The following CHRM3 variants were observed in gnomAD, a reference collection of about 807,000 sequenced individuals.
CHRM3 encodes the protein cholinergic receptor muscarinic 3, also known as muscarinic acetylcholine receptor M3.
Under a neutral mutation model 41.8 loss-of-function variants are expected in CHRM3, and 11 were observed. The observed-to-expected ratio is 0.26, with a 90% CI of 0.17 to 0.44. The LOEUF is 0.44. Among genes scored for constraint, CHRM3 ranks in the 20% least tolerant of loss-of-function variants. The probability of loss-of-function intolerance (pLI) is 1.00; values close to 1 mark genes in which losing one functional copy is unlikely to be tolerated. For synonymous variants in CHRM3, 297 were observed against 301.4 expected (o/e 0.99, Z 0.15); for missense variants, 571 against 745.4 (o/e 0.77, Z 2.72).
chr1:239,719,234 G>C (rs567339186), intron 5 of CHRM3: 1 of 152,128 alleles, frequency 6.6e-6, no homozygotes, highest in African/African-American at 2.4e-5. Flanking sequence ...TGAGTGTATC[G>C]TTAGGGTTTT....
At chr1:239,535,838 G>C (rs1658144148) in intron 2 of CHRM3, among the ~76,000 whole-genome samples, 1 of 152,108 alleles carries the variant, frequency 6.6e-6, no homozygotes, top group Non-Finnish European at 1.5e-5. Context: ...GCAAAGATAA[G>C]GGCTGCTAAA....
At chr1:239,783,172 A>G (rs973325969) in intron 5 of CHRM3, among the ~76,000 whole-genome samples, 1 of 151,934 alleles carries the variant, frequency 6.6e-6, no homozygotes, top group Non-Finnish European at 1.5e-5. Flanking sequence ...TGCTGGGTCT[A>G]TTTCTCATAA....
chr1:239,740,204 G>A (rs1348604155), intron 5 of CHRM3, among the ~76,000 whole-genome samples: 5 of 152,052 alleles, frequency 3.3e-5, no homozygotes, highest in Non-Finnish European at 7.3e-5. Flanking sequence ...CAACGGAATA[G>A]GATATACTCT....
chr1:239,646,693 G>A (rs1231194146), intron 4 of CHRM3, among the ~76,000 whole-genome samples: 6 of 152,242 alleles, frequency 3.9e-5, no homozygotes, highest in South Asian at 2.1e-4. Context: ...GAGTTGTGAC[G>A]TGTGTGGATG....
intron 1 of CHRM3, among the ~76,000 whole-genome samples, chr1:239,450,076 GTC>G (rs1440312135): frequency 1.3e-5 from 2 of 152,126 alleles, no homozygotes; most frequent in African/African-American, 4.8e-5. Flanking sequence ...TGTTGCCTTT[GTC>G]GATTACATGT....
intron 6 of CHRM3, among the ~76,000 whole-genome samples, chr1:239,894,376 CGTGA>C (rs1376982206): frequency 6.6e-6 from 1 of 152,154 alleles, no homozygotes; most frequent in East Asian, 1.9e-4. Context: ...GGACCTCAGC[CGTGA>C]GTGTGTGCAG....
chr1:239,853,201 A>G (rs555169237), intron 6 of CHRM3, among the ~76,000 whole-genome samples: 1 of 151,988 alleles, frequency 6.6e-6, no homozygotes, highest in Admixed American at 6.6e-5. Flanking sequence ...ATAAATATAT[A>G]TTTTATTTCA....
At chr1:239,859,682 C>T (rs1675446509) in intron 6 of CHRM3, among the ~76,000 whole-genome samples, 1 of 151,168 alleles carries the variant, frequency 6.6e-6, no homozygotes, top group Non-Finnish European at 1.5e-5. Context: ...TCCCAAATTG[C>T]TAGGATTACA....
intron 5 of CHRM3, among the ~76,000 whole-genome samples, chr1:239,720,392 C>T (rs542900968): frequency 6.6e-6 from 1 of 151,992 alleles, no homozygotes; most frequent in South Asian, 2.1e-4. Context: ...CAAAGTAGTG[C>T]TCTGCCTCTG....
intron 1 of CHRM3, among the ~76,000 whole-genome samples, chr1:239,446,134 A>T (rs1664125060): frequency 6.6e-6 from 1 of 152,032 alleles, no homozygotes; most frequent in Admixed American, 6.6e-5. Context: ...ATGGGGTTTC[A>T]CCATGTTGGC....
intron 5 of CHRM3, among the ~76,000 whole-genome samples, chr1:239,763,515 C>T (rs2790328): frequency 0.69 from 104,854 of 151,952 alleles, 36,641 homozygotes; most frequent in Non-Finnish European, 0.75. Flanking sequence ...AAATATAGAG[C>T]GCTCTACAAT....
In CHRM3 at chr1:239,476,247, C is replaced by A. The variant is rs565293196; in HGVS notation, c.-520-16462C>A. ...TTGGGAGGCCGAGGCAGGCAGATCA[C>A]CTGAGTTCAGGAGTTCGAAACCAGT... On this transcript the variant is annotated intron_variant, in intron 1 of 6. Transcript: ENST00000676153. Among the ~76,000 whole-genome samples, 119 of 152,122 alleles carry A rather than the reference C, an allele frequency of 7.8e-4. 1 individual carries two copies. Among genetic ancestry groups the A allele is most frequent in the Non-Finnish European group, 5.4e-4 (37 of 68,024 alleles).
chr1:239,441,206 A>G (rs931061653), intron 1 of CHRM3, among the ~76,000 whole-genome samples: 5 of 152,218 alleles, frequency 3.3e-5, no homozygotes, highest in East Asian at 3.8e-4. Context: ...AGGCACGCTT[A>G]TAATTGGAAA....
chr1:239,720,963 A>G (rs1662911347), intron 5 of CHRM3, among the ~76,000 whole-genome samples: 1 of 151,928 alleles, frequency 6.6e-6, no homozygotes, highest in Non-Finnish European at 1.5e-5. Context: ...GCTCAACTTA[A>G]ATTGATTTGA....
rs11413091 is a variant in CHRM3 at position 239,618,273 on chromosome 1, C to CTTTTTTTTTTTTTTTTTTTT, written c.-312-13948_-312-13947insTTTTTTTTTTTTTTTTTTTT. Among the ~76,000 whole-genome samples, 2 of 113,048 alleles carry CTTTTTTTTTTTTTTTTTTTT rather than the reference C, an allele frequency of 1.8e-5. 1 individual carries two copies. 74.2% of individuals were successfully genotyped at this position (113,048 alleles called of 152,430 possible). ...TAGAGAGTAGGAGTACTTTTTTTTT[C>CTTTTTTTTTTTTTTTTTTTT]TTTCTTTTTTTTTTTTTTTTTTAAT... is the stretch of plus-strand genomic sequence containing the variant. On this transcript the variant is annotated intron_variant, in intron 3 of 6. Transcript: ENST00000676153.
chr1:239,635,040 C>A (rs923655778), intron 4 of CHRM3, among the ~76,000 whole-genome samples: 3 of 152,166 alleles, frequency 2.0e-5, no homozygotes, highest in Non-Finnish European at 4.4e-5. Context: ...TTATTTCTGG[C>A]CATTGAAACT....
At chr1:239,828,134 G>A (rs1019332605) in intron 6 of CHRM3, among the ~76,000 whole-genome samples, 3 of 151,894 alleles carry the variant, frequency 2.0e-5, no homozygotes, top group Non-Finnish European at 4.4e-5. Flanking sequence ...AGAAATACAC[G>A]CACACAAATA....
intron 4 of CHRM3, among the ~76,000 whole-genome samples, chr1:239,658,228 A>G (rs992446952): frequency 2.6e-5 from 4 of 152,198 alleles, no homozygotes; most frequent in Admixed American, 1.3e-4. Context: ...CATAAAACAA[A>G]TCTGTAGCTT....
At chr1:239,524,390 T>C (rs12240106) in intron 2 of CHRM3, among the ~76,000 whole-genome samples, 4,549 of 152,256 alleles carry the variant, frequency 0.03, 243 homozygotes, top group African/African-American at 0.1. Context: ...TTAGCTATCA[T>C]CCCAGCAAAA....
Sources: allele counts gnomAD v4.1 joint callset (sites outside exome capture counted in the v4.1 genomes callset), GRCh38; gene constraint gnomAD v4.1.1; transcripts MANE v1.5; gene names NCBI Gene and HGNC (gene_info 2026-07-23, HGNC 2026-07-21).